The following PPAN variants were observed in gnomAD, a reference collection of about 807,000 sequenced individuals.
The protein encoded by PPAN is suppressor of SWI4 1 homolog.
A neutral mutation model predicts 48.5 loss-of-function variants in PPAN; 39 were observed. The ratio of observed to expected loss-of-function variants is 0.80; its 90% CI spans 0.62 to 1.05. The LOEUF (loss-of-function observed/expected upper bound fraction) is 1.05. Ranked by LOEUF, PPAN falls within the 50% of genes least tolerant of loss-of-function variation. The pLI is 0.00. For synonymous variants in PPAN, 315 were observed against 268.6 expected (o/e 1.17, Z -1.69); for missense variants, 736 against 661.7 (o/e 1.11, Z -1.23).
At chr19:10,109,364 C>T (rs1287480828) in intron 5 of PPAN, among the ~76,000 whole-genome samples, 1 of 152,108 alleles carries the variant, frequency 6.6e-6, no homozygotes, top group African/African-American at 2.4e-5. Flanking sequence ...AGACTACAGG[C>T]GTGCACCACC....
chr19:10,109,819 G>A (rs1041719050), intron 6 of PPAN, 94 bp from the exon 7 acceptor site: 29 of 1,591,474 alleles, frequency 1.8e-5, no homozygotes, highest in Admixed American at 3.4e-5. Context: ...CAAAGTAAAC[G>A]CCCTGACGCA....
chr19:10,111,734 G>A lies in PPAN; in HGVS notation c.*569G>A, dbSNP rs140237295. 4,119 of 1,613,652 alleles carry A rather than the reference G, an allele frequency of 2.6e-3. 119 individuals carry two copies. In the Admixed American group the frequency reaches 0.051, roughly 20 times the overall value. On this transcript the variant is annotated 3_prime_UTR_variant, in exon 12 of 12. Transcript: ENST00000253107. ...TCGGCACGGGAGCATGGCAGCCAAC[G>A]TCTCGGGTAAGGAGAAGGCATGTTG...
chr19:10,111,031 C>T lies in PPAN; in HGVS notation c.1288C>T (p.Arg430Cys), dbSNP rs116781814. 74 of 1,613,652 alleles carry T rather than the reference C, an allele frequency of 4.6e-5. No individual in the cohort carries two copies. The highest frequency in any genetic ancestry group is 5.3e-5 in the Non-Finnish European group (63 of 1,179,962). Reference sequence around the variant, plus strand: ...GTGGGAAATGGATCGAGGCAGGGGTCGCCTTTGTGACCAGAAGTTTCCCAA... The same window carrying T: ...GTGGGAAATGGATCGAGGCAGGGGTTGCCTTTGTGACCAGAAGTTTCCCAA... The part of the protein sequence containing the change: ...KRWEMDRGRG[R>C]LCDQKFPKTK... Residue 430 changes from arginine (R) to cysteine (C), a missense_variant, in exon 12 of 12, where the codon CGC becomes TGC. Coordinates refer to ENST00000253107, the MANE Select transcript of PPAN (RefSeq NM_020230.7).
At position 10,110,401 on chromosome 19, in the gene PPAN, T is replaced by C. The variant is rs780202798; in HGVS notation, c.900T>C (p.Phe300=). The change falls in exon 9 of 12, where the codon TTT becomes TTC. Residue 300 remains phenylalanine, a splice_region_variant and synonymous_variant. Transcript: ENST00000253107. The surrounding 1 kb of genome is among the most constrained non-coding windows in gnomAD (Gnocchi z 5.9). The part of the protein sequence containing the change: ...VGEGKVMFHS[F]VSKTEEELQA... ...AGGGCAAAGTGATGTTCCACAGTTT[T>C]GGTGAGGCCGGGGCCGCCGGGGGTG... The C allele has an allele frequency of 6.2e-7, 1 of 1,612,230 alleles. No homozygotes were observed. Among genetic ancestry groups the C allele is most frequent in the South Asian group, 1.1e-5 (1 of 91,032 alleles).
chr19:10,106,887 G>A (rs1042592474), intron 2 of PPAN: 18 of 777,830 alleles, frequency 2.3e-5, no homozygotes, highest in Non-Finnish European at 3.6e-5. Context: ...AAGCCTGACA[G>A]TTAAGACTGG....
At position 10,110,837 on chromosome 19, in the gene PPAN, G is replaced by A. The variant is rs1054521849; in HGVS notation, c.1172G>A (p.Cys391Tyr). The change falls in exon 11 of 12, where the codon TGC (cysteine) becomes TAC (tyrosine). Residue 391 changes from cysteine (C) to tyrosine (Y), a missense_variant. Coordinates refer to ENST00000253107, the MANE Select transcript of PPAN (RefSeq NM_020230.7). The surrounding 1 kb of genome is among the most constrained non-coding windows in gnomAD (Gnocchi z 5.9). ...GAAGATGATGACATCGAGTATTTCT[G>A]CCAGGCGGTGGGCGAGGCGCCCAGT... ...EQEDDDIEYF[C>Y]QAVGEAPSED... 6 of 1,613,978 alleles carry A rather than the reference G, an allele frequency of 3.7e-6. No individual in the cohort carries two copies. Among genetic ancestry groups the A allele is most frequent in the Non-Finnish European group, 5.1e-6 (6 of 1,180,010 alleles).
At position 10,106,575 on chromosome 19, in the gene PPAN, G is replaced by T; in HGVS notation, c.93G>T (p.Ser31=). The T allele has an allele frequency of 6.4e-7, 1 of 1,552,964 alleles. No homozygotes were observed. The highest frequency in any genetic ancestry group is 8.7e-7 in the Non-Finnish European group (1 of 1,148,914). Residue 31 remains serine, a synonymous_variant, in exon 2 of 12, where the codon TCG becomes TCT. Coordinates refer to ENST00000253107, the MANE Select transcript of PPAN (RefSeq NM_020230.7). ...NLEAYAANPH[S]FVFTRGCTGR... Reference sequence around the variant, plus strand: ...AGGCCTATGCCGCGAACCCGCACTCGTTCGTGTTCACGCGAGGCTGCACGG... The same window carrying T: ...AGGCCTATGCCGCGAACCCGCACTCTTTCGTGTTCACGCGAGGCTGCACGG...
chr19:10,106,689 A>G lies in PPAN; in HGVS notation c.189+18A>G. 6.7e-7 allele frequency: 1 copy of G among 1,488,150 alleles called. No homozygotes were observed. Among genetic ancestry groups the G allele is most frequent in the Non-Finnish European group, 9.1e-7 (1 of 1,103,792 alleles). 92.2% of individuals were successfully genotyped at this position (1,488,150 alleles called of 1,614,324 possible). A position where few individuals can be genotyped will look rare whatever the true frequency, so the allele number is the denominator to read the frequency against. On this transcript the variant is annotated intron_variant, in intron 2 of 11. Transcript: ENST00000253107. ...GTCTGCAGGTTTGTACCCCACCCCC[A>G]GCCCGCCTCCACCCACCCTCGGCCT...
chr19:10,111,552 T>C lies in PPAN; in HGVS notation c.*387T>C, dbSNP rs2145212874. 1.3e-6 allele frequency: 1 copy of C among 757,732 alleles called. No individual in the cohort carries two copies. Among genetic ancestry groups the C allele is most frequent in the Non-Finnish European group, 2.2e-6 (1 of 451,262 alleles). The allele number at this position is 757,732 out of a possible 1,614,324, so 46.9% of individuals were successfully genotyped here. Reference sequence around the variant, plus strand: ...CAGATGAGCTTGAACCTCAGGAGGGTTGTGGCACAATGAGGAAGGAAACGT... The same window carrying C: ...CAGATGAGCTTGAACCTCAGGAGGGCTGTGGCACAATGAGGAAGGAAACGT... On this transcript the variant is annotated 3_prime_UTR_variant, in exon 12 of 12. Coordinates refer to ENST00000253107, the MANE Select transcript of PPAN (RefSeq NM_020230.7).
At position 10,109,623 on chromosome 19, in the gene PPAN, C is replaced by T. The variant is rs767571906; in HGVS notation, c.514-8C>T. 2 of 1,611,912 alleles carry T rather than the reference C, an allele frequency of 1.2e-6. No homozygotes were observed. Among genetic ancestry groups the T allele is most frequent in the Non-Finnish European group, 1.7e-6 (2 of 1,178,914 alleles). On this transcript the variant is annotated splice_polypyrimidine_tract_variant and splice_region_variant and intron_variant, in intron 5 of 11. Transcript: ENST00000253107. Reference sequence around the variant, plus strand: ...CTACTGGACTATGCTCTCTTCCTCCCCTTCCAGGTGAACCTGAACACCATC... The same window carrying T: ...CTACTGGACTATGCTCTCTTCCTCCTCTTCCAGGTGAACCTGAACACCATC...
Position 10,107,947 on chromosome 19 carries a change from T to G in PPAN, c.343-17T>G, listed in dbSNP as rs1170875136. The G allele has an allele frequency of 6.3e-7, 1 of 1,598,842 alleles. No individual in the cohort carries two copies. Among genetic ancestry groups the G allele is most frequent in the African/African-American group, 1.3e-5 (1 of 74,662 alleles). On this transcript the variant is annotated splice_polypyrimidine_tract_variant and intron_variant, in intron 4 of 11. Coordinates refer to ENST00000253107, the MANE Select transcript of PPAN (RefSeq NM_020230.7). ...TGTGTGGTTGGTGGTCACCCCCTCC[T>G]CTCTCCTGTCCTACAGTACTCGCTG...
Position 10,111,593 on chromosome 19 carries a change from C to A in PPAN, c.*428C>A. On this transcript the variant is annotated 3_prime_UTR_variant, in exon 12 of 12. Coordinates refer to ENST00000253107, the MANE Select transcript of PPAN (RefSeq NM_020230.7). ...AAGGAAACGTGGGTGGAAAGGCACGCTGGCCTGCTCTGCTGGCTGGGCCAG... is the reference window on the plus strand; with the variant it reads ...AAGGAAACGTGGGTGGAAAGGCACGATGGCCTGCTCTGCTGGCTGGGCCAG... 2 of 1,178,018 alleles carry A rather than the reference C, an allele frequency of 1.7e-6. No individual in the cohort carries two copies. The highest frequency in any genetic ancestry group is 2.5e-6 in the Non-Finnish European group (2 of 800,804). The allele number at this position is 1,178,018 out of a possible 1,614,324, so 73.0% of individuals were successfully genotyped here.
intron 2 of PPAN, chr19:10,107,150 TCACTC>T: frequency 2.5e-6 from 1 of 397,704 alleles, no homozygotes; most frequent in Non-Finnish European, 4.8e-6. Context: ...TCGTGCCACT[TCACTC>T]CAGTCTGGGC....
rs969542063 is a variant in PPAN at position 10,111,482 on chromosome 19, C to A, written c.*317C>A. ...AGCAGCCATGAGTGGCCCCTCCCCCCAGTCCCACCAAAGAGCCGTGCAAGC... is the reference window on the plus strand; with the variant it reads ...AGCAGCCATGAGTGGCCCCTCCCCCAAGTCCCACCAAAGAGCCGTGCAAGC... On this transcript the variant is annotated 3_prime_UTR_variant, in exon 12 of 12. Coordinates refer to ENST00000253107, the MANE Select transcript of PPAN (RefSeq NM_020230.7). 3.2e-6 allele frequency: 2 copies of A among 625,932 alleles called. No individual in the cohort carries two copies. The highest frequency in any genetic ancestry group is 1.9e-5 in the South Asian group (1 of 52,110). 38.8% of individuals were successfully genotyped at this position (625,932 alleles called of 1,614,324 possible). A position where few individuals can be genotyped will look rare whatever the true frequency, so the allele number is the denominator to read the frequency against.
chr19:10,110,250 A>G lies in PPAN; in HGVS notation c.822+4A>G. On this transcript the variant is annotated splice_donor_region_variant and intron_variant, in intron 8 of 11. Transcript: ENST00000253107. The surrounding 1 kb of genome is among the most constrained non-coding windows in gnomAD (Gnocchi z 5.9). ...GAGTGCAGTGCGGCTCACCGAGGTG[A>G]GGCCCAGGGCAGGGGGACCCCCGGG... The G allele has an allele frequency of 6.2e-7, 1 of 1,611,928 alleles. No homozygotes were observed. Among genetic ancestry groups the G allele is most frequent in the Non-Finnish European group, 8.5e-7 (1 of 1,179,630 alleles).
chr19:10,111,126 AGGCCGG>A lies in PPAN; in HGVS notation c.1395_1400del (p.Gly466_Arg467del), dbSNP rs1379071871. ...GAGGGGCTTCCCGGGATGGTGGGCG[AGGCCGG>A]GGCCGGGGCCGCCCAGGGAAGAGAG... On this transcript the variant is annotated inframe_deletion, in exon 12 of 12. Transcript: ENST00000253107. 12 of 1,609,526 alleles carry A rather than the reference AGGCCGG, an allele frequency of 7.5e-6. No homozygotes were observed. The East Asian group carries it at 8.9e-5, about 12-fold the overall frequency.
rs1259653604 is a variant in PPAN, at chr19:10,107,602, A to G, written c.287A>G (p.Tyr96Cys). 2 of 1,614,078 alleles carry G rather than the reference A, an allele frequency of 1.2e-6. No individual in the cohort carries two copies. The highest frequency in any genetic ancestry group is 2.2e-5 in the East Asian group (1 of 44,880). The change falls in exon 3 of 12, where the codon TAC becomes TGC. Residue 96 changes from tyrosine (Y) to cysteine (C), a missense_variant. By Grantham distance (194) the Tyr-to-Cys change is radical. Transcript: ENST00000253107. ...LILSKTETNV[Y>C]FKLMRLPGGP... is the part of the protein sequence containing the mutation. Reference sequence around the variant, plus strand: ...CTGAGCAAAACAGAGACCAATGTCTACTTTGTGAGTAGACGCCCTCACCCT... The same window carrying G: ...CTGAGCAAAACAGAGACCAATGTCTGCTTTGTGAGTAGACGCCCTCACCCT...
In PPAN at chr19:10,110,361, A is replaced by T; in HGVS notation, c.860A>T (p.Gln287Leu). The change falls in exon 9 of 12, where the codon CAG becomes CTG. Residue 287 changes from glutamine to leucine, a missense_variant. Transcript: ENST00000253107. This position sits in a 1 kb window ranked among gnomAD's most constrained non-coding sequence, Gnocchi z 5.9. ...ATGACACTGCAGCTCATCAAGGTCC[A>T]GGAGGGCGTCGGGGAGGGCAAAGTG... ...PRMTLQLIKV[Q>L]EGVGEGKVMF... The T allele has an allele frequency of 6.2e-7, 1 of 1,613,660 alleles. No homozygotes were observed. The highest frequency in any genetic ancestry group is 8.5e-7 in the Non-Finnish European group (1 of 1,179,950).
At chr19:10,108,906 A>G (rs2088940304) in intron 5 of PPAN, among the ~76,000 whole-genome samples, 1 of 151,864 alleles carries the variant, frequency 6.6e-6, no homozygotes, top group African/African-American at 2.4e-5. Flanking sequence ...AATTATATAT[A>G]AGATATCAGT....
Sources: allele counts gnomAD v4.1 joint callset (sites outside exome capture counted in the v4.1 genomes callset), GRCh38; gene constraint gnomAD v4.1.1; non-coding constraint Gnocchi (gnomAD v3.1); transcripts MANE v1.5; gene names NCBI Gene and HGNC (gene_info 2026-07-23, HGNC 2026-07-21).